The following MEIS1 variants were observed in gnomAD, a reference collection of about 807,000 sequenced individuals.
The protein encoded by MEIS1 is Meis homeobox 1.
A neutral mutation model predicts 50.8 loss-of-function variants in MEIS1; 5 were observed. The observed-to-expected ratio is 0.10, with a 90% CI of 0.05 to 0.21. The LOEUF (loss-of-function observed/expected upper bound fraction) is 0.21. Ranked by LOEUF, MEIS1 falls within the 10% of genes least tolerant of loss-of-function variation. The pLI is 1.00. For synonymous variants in MEIS1, 176 were observed against 179.3 expected, an observed-to-expected ratio of 0.98 and a Z score of 0.15; for missense variants, 318 against 517.3, an observed-to-expected ratio of 0.61 and a Z score of 3.74.
At chr2:66,468,900 C>T (rs1055166766) in intron 7 of MEIS1, among the ~76,000 whole-genome samples, 1 of 152,094 alleles carries the variant, frequency 6.6e-6, no homozygotes, top group African/African-American at 2.4e-5. Flanking sequence ...TGATATGATT[C>T]ATTGGTATTA....
intron 5 of MEIS1, 144 bp from the exon 6 acceptor site, chr2:66,442,758 C>T (rs1026608052): frequency 4.1e-5 from 28 of 680,280 alleles, no homozygotes; most frequent in African/African-American, 1.1e-4. Context: ...ATTCTGGATG[C>T]GTCTGGGGGT....
chr2:66,522,438 A>G (rs1469705600), intron 8 of MEIS1, among the ~76,000 whole-genome samples: 1 of 152,206 alleles, frequency 6.6e-6, no homozygotes, highest in Admixed American at 6.5e-5. Flanking sequence ...GGGCCAGGCG[A>G]GGGGATCCTC....
chr2:66,558,599 C>A (rs1258184274), intron 9 of MEIS1, among the ~76,000 whole-genome samples: 1 of 152,158 alleles, frequency 6.6e-6, no homozygotes, highest in Non-Finnish European at 1.5e-5. Context: ...AGTGAACATT[C>A]CAAGGATGCA....
intron 5 of MEIS1, 31 bp downstream of exon 5, chr2:66,441,495 T>G (rs779395363): frequency 1.0e-4 from 157 of 1,506,538 alleles, no homozygotes; most frequent in Non-Finnish European, 1.3e-4. Context: ...TCCTTTTACT[T>G]ACCCCTTACC....
At chr2:66,524,173 C>T (rs1002282011) in intron 8 of MEIS1, among the ~76,000 whole-genome samples, 2 of 152,126 alleles carry the variant, frequency 1.3e-5, no homozygotes, top group Non-Finnish European at 2.9e-5. Flanking sequence ...CTTGTGCTGT[C>T]TGAACTTAGA....
chr2:66,536,882 C>G (rs546873812), intron 8 of MEIS1, among the ~76,000 whole-genome samples: 1 of 152,196 alleles, frequency 6.6e-6, no homozygotes, highest in African/African-American at 2.4e-5. Context: ...AGTGCATTCT[C>G]TCTCTCTCTC....
Position 66,477,140 on chromosome 2 carries a change from G to A in MEIS1, c.742+12920G>A, listed in dbSNP as rs77106039. Among the ~76,000 whole-genome samples the A allele has an allele frequency of 3.9e-3, 587 of 152,262 alleles. 6 individuals carry two copies. Among genetic ancestry groups the A allele is most frequent in the African/African-American group, 0.013 (544 of 41,554 alleles). ...GAGTCATTGGAAATGTGAGGGTTGT[G>A]GCGTGGTTGGATGGAAGTGAAGGAG... On this transcript the variant is annotated intron_variant, in intron 7 of 12. Transcript: ENST00000272369.
chr2:66,558,170 T>G (rs545309293), intron 9 of MEIS1, among the ~76,000 whole-genome samples: 28 of 149,486 alleles, frequency 1.9e-4, no homozygotes, highest in African/African-American at 6.9e-4. Context: ...TCCCAGCTAC[T>G]TGGGAGACTG....
chr2:66,535,977 C>G (rs536553979), intron 8 of MEIS1, among the ~76,000 whole-genome samples: 75 of 152,218 alleles, frequency 4.9e-4, no homozygotes, highest in African/African-American at 1.8e-3. Flanking sequence ...TGAAAATTAG[C>G]TTAGTAAAGG....
chr2:66,452,310 A>T (rs1382576900), intron 6 of MEIS1, among the ~76,000 whole-genome samples: 2 of 151,924 alleles, frequency 1.3e-5, no homozygotes, highest in African/African-American at 2.4e-5. Flanking sequence ...TTGAACATAT[A>T]AATGTATTAT....
At chr2:66,464,834 G>T (rs1489042020) in intron 7 of MEIS1, among the ~76,000 whole-genome samples, 1 of 152,196 alleles carries the variant, frequency 6.6e-6, no homozygotes, top group Non-Finnish European at 1.5e-5. Flanking sequence ...AGTGTCCATG[G>T]ATTATGCATG....
intron 6 of MEIS1, among the ~76,000 whole-genome samples, chr2:66,444,867 G>T (rs1389158702): frequency 6.6e-6 from 1 of 152,136 alleles, no homozygotes; most frequent in Non-Finnish European, 1.5e-5. Flanking sequence ...ATCGCTTAGG[G>T]GCATGAATGA....
Position 66,572,931 on chromosome 2 carries a change from GA to G in MEIS1, c.*1725del, listed in dbSNP as rs1675511695. 1 of 152,156 alleles carries G rather than the reference GA, an allele frequency of 6.6e-6. No individual in the cohort carries two copies. Among genetic ancestry groups the G allele is most frequent in the South Asian group, 2.1e-4 (1 of 4,830 alleles). 9.4% of individuals were successfully genotyped at this position (152,156 alleles called of 1,614,324 possible). ...ACTGATTTCTTTAAGCTGACTTAAT[GA>G]ACTCCTAATATCAGCAAATTTGAGG... On this transcript the variant is annotated 3_prime_UTR_variant, in exon 13 of 13. Coordinates refer to ENST00000272369, the MANE Select transcript of MEIS1 (RefSeq NM_002398.3).
At position 66,456,626 on chromosome 2, in the gene MEIS1, A is replaced by G. The variant is rs190076160; in HGVS notation, c.631-7483A>G. Among the ~76,000 whole-genome samples the G allele has an allele frequency of 2.7e-4, 41 of 152,336 alleles. No homozygotes were observed. In the East Asian group the frequency reaches 7.7e-3, roughly 29 times the overall value. ...AGTGGAGTCATAAGCACATTTTATC[A>G]CAGCATTAAAAAAGGGTTCAACAAG... On this transcript the variant is annotated intron_variant, in intron 6 of 12. Coordinates refer to ENST00000272369, the MANE Select transcript of MEIS1 (RefSeq NM_002398.3).
chr2:66,518,349 T>G (rs528494685), intron 8 of MEIS1, among the ~76,000 whole-genome samples: 2 of 152,222 alleles, frequency 1.3e-5, no homozygotes, highest in Non-Finnish European at 2.9e-5. Context: ...GAGACTTTTG[T>G]AGAGTCTGGC....
intron 7 of MEIS1, among the ~76,000 whole-genome samples, chr2:66,468,440 T>C (rs1006300472): frequency 1.3e-5 from 2 of 152,164 alleles, no homozygotes; most frequent in Non-Finnish European, 2.9e-5. Context: ...GCTAAATAAA[T>C]GATGGTAAAA....
chr2:66,524,222 C>T (rs1674195174), intron 8 of MEIS1, among the ~76,000 whole-genome samples: 1 of 152,134 alleles, frequency 6.6e-6, no homozygotes, highest in Admixed American at 6.5e-5. Context: ...CATGACAAAG[C>T]AGGCATGGTC....
chr2:66,524,634 T>C (rs1386371559), intron 8 of MEIS1, among the ~76,000 whole-genome samples: 1 of 152,154 alleles, frequency 6.6e-6, no homozygotes, highest in Non-Finnish European at 1.5e-5. Flanking sequence ...ATTGGAAACA[T>C]TGCTAAGTTG....
intron 9 of MEIS1, among the ~76,000 whole-genome samples, chr2:66,555,855 C>T (rs1031215814): frequency 7.9e-5 from 12 of 152,250 alleles, no homozygotes; most frequent in African/African-American, 2.9e-4. Context: ...ATGTTGCCTC[C>T]TGGTTGAATA....
Sources: allele counts gnomAD v4.1 joint callset (sites outside exome capture counted in the v4.1 genomes callset), GRCh38; gene constraint gnomAD v4.1.1; transcripts MANE v1.5; gene names NCBI Gene and HGNC (gene_info 2026-07-23, HGNC 2026-07-21).